Variants in INVS observed in about 807,000 individuals in gnomAD.
INVS encodes inversin, also known as inversion of embryo turning homolog.
In INVS, 86 loss-of-function variants were observed where a neutral mutation model predicts 108.8. The ratio of observed to expected loss-of-function variants is 0.79; its 90% confidence interval spans 0.66 to 0.95. The LOEUF (loss-of-function observed/expected upper bound fraction) is 0.95, where lower values mean the gene tolerates loss of function less well. Ranked by LOEUF, INVS falls within the 40% of genes least tolerant of loss-of-function variation. The pLI is 0.00. For missense variants in INVS, 1,169 were observed against 1,297.4 expected (o/e 0.90, Z 1.52); for synonymous variants, 455 against 473.5 (o/e 0.96, Z 0.51).
intron 3 of INVS, among the ~76,000 whole-genome samples, chr9:100,173,899 C>T (rs770848090): frequency 5.3e-5 from 8 of 152,196 alleles, no homozygotes; most frequent in South Asian, 2.1e-4. Context: ...AACTCATCAG[C>T]GATTTAGCTG....
chr9:100,167,234 A>T (rs1011032547), intron 3 of INVS, among the ~76,000 whole-genome samples: 5 of 152,162 alleles, frequency 3.3e-5, no homozygotes, highest in African/African-American at 1.2e-4. Context: ...TCAAAAAAAA[A>T]AAAAGATTTT....
intron 1 of INVS, among the ~76,000 whole-genome samples, chr9:100,100,587 A>AT (rs1488717447): frequency 2.0e-5 from 2 of 99,934 alleles, no homozygotes; most frequent in African/African-American, 4.2e-5. Flanking sequence ...TATAATATAT[A>AT]TAATATATGT....
At chr9:100,175,815 G>A (rs111232501) in intron 3 of INVS, 10 of 670,634 alleles carry the variant, frequency 1.5e-5, no homozygotes, top group African/African-American at 1.4e-4. Flanking sequence ...ACTCAGACCT[G>A]GTGCACCCAA....
intron 1 of INVS, among the ~76,000 whole-genome samples, chr9:100,100,640 A>T (rs1215331752): frequency 1.8e-5 from 1 of 54,846 alleles, no homozygotes; most frequent in Non-Finnish European, 2.9e-5. Context: ...TATATATATT[A>T]TATATGTATA....
At chr9:100,273,516 T>C (rs953407017) in intron 12 of INVS, among the ~76,000 whole-genome samples, 2 of 148,190 alleles carry the variant, frequency 1.3e-5, no homozygotes, top group Admixed American at 6.8e-5. Flanking sequence ...GGTTTTTTTT[T>C]CCACTCAGTT....
intron 10 of INVS, among the ~76,000 whole-genome samples, chr9:100,258,345 C>T (rs905975039): frequency 6.6e-6 from 1 of 152,102 alleles, no homozygotes; most frequent in African/African-American, 2.4e-5. Context: ...GCAATGGGTT[C>T]GAACATGCTC....
intron 2 of INVS, among the ~76,000 whole-genome samples, chr9:100,124,393 C>G (rs10988976): frequency 4.6e-5 from 7 of 151,866 alleles, no homozygotes; most frequent in Non-Finnish European, 1.0e-4. Flanking sequence ...GCAAGGTTAT[C>G]TTTGCTTTCA....
At chr9:100,295,108 A>G (rs1183010232) in intron 14 of INVS, among the ~76,000 whole-genome samples, 1 of 152,140 alleles carries the variant, frequency 6.6e-6, no homozygotes. Flanking sequence ...TCTGGCTAAA[A>G]TCTAGGATCT....
intron 3 of INVS, among the ~76,000 whole-genome samples, chr9:100,222,222 A>G (rs2118376329): frequency 6.6e-6 from 1 of 152,336 alleles, no homozygotes; most frequent in East Asian, 1.9e-4. Flanking sequence ...TTATAATAAT[A>G]AAAACATCTA....
intron 3 of INVS, among the ~76,000 whole-genome samples, chr9:100,160,204 G>A (rs1434638992): frequency 6.6e-6 from 1 of 152,160 alleles, no homozygotes; most frequent in African/African-American, 2.4e-5. Context: ...GATTCTTGTG[G>A]TGAGGAAGAC....
intron 3 of INVS, among the ~76,000 whole-genome samples, chr9:100,206,124 A>G (rs1377302836): frequency 1.3e-5 from 2 of 152,140 alleles, no homozygotes; most frequent in African/African-American, 2.4e-5. Flanking sequence ...GGTTTTCACA[A>G]CAAGAATACT....
chr9:100,126,851 G>A (rs754085378), intron 3 of INVS, among the ~76,000 whole-genome samples: 1 of 152,022 alleles, frequency 6.6e-6, no homozygotes, highest in Non-Finnish European at 1.5e-5. Context: ...TATGTATAGG[G>A]AAAAAATAAA....
chr9:100,240,973 CT>C (rs1831852195), intron 6 of INVS, among the ~76,000 whole-genome samples: 1 of 151,966 alleles, frequency 6.6e-6, no homozygotes, highest in Non-Finnish European at 1.5e-5. Flanking sequence ...TTATCAAAAA[CT>C]TTTTAAAGCC....
At chr9:100,232,444 TGGTATC>T (rs1467377066) in intron 5 of INVS, among the ~76,000 whole-genome samples, 3 of 152,218 alleles carry the variant, frequency 2.0e-5, no homozygotes, top group African/African-American at 7.2e-5. Flanking sequence ...ATGTCCTGAA[TGGTATC>T]GCCTAGGTTT....
chr9:100,264,854 T>C lies in INVS; in HGVS notation c.1497T>C (p.Asn499=), dbSNP rs766281041. 3.1e-6 allele frequency: 5 copies of C among 1,613,930 alleles called. No individual in the cohort carries two copies. Among genetic ancestry groups the C allele is most frequent in the Non-Finnish European group, 3.4e-6 (4 of 1,179,810 alleles). ...CAGCTTTGCATTGGTCCTGCAACAA[T>C]GGATACCTTGATGCCATTAAATTAC... ...GRTALHWSCN[N]GYLDAIKLLL... is the part of the protein sequence containing the mutation. Residue 499 remains asparagine, a synonymous_variant, in exon 11 of 17, where the codon AAT becomes AAC. Coordinates refer to ENST00000262457, the MANE Select transcript of INVS (RefSeq NM_014425.5).
At position 100,255,223 on chromosome 9, in the gene INVS, G is replaced by C. The variant is rs531021865; in HGVS notation, c.1464+2087G>C. Among the ~76,000 whole-genome samples the C allele has an allele frequency of 2.0e-5, 3 of 151,822 alleles. No homozygotes were observed. In the East Asian group the frequency reaches 5.8e-4, roughly 29 times the overall value. On this transcript the variant is annotated intron_variant, in intron 10 of 16. Coordinates refer to ENST00000262457, the MANE Select transcript of INVS (RefSeq NM_014425.5). The stretch of plus-strand genomic sequence containing the variant: ...TCATGATTTGGCTCTCTGTTTGTCT[G>C]TTGGCATATAGGAATGCTTGTGATT...
At chr9:100,287,989 AC>A (rs1833498059) in intron 13 of INVS, among the ~76,000 whole-genome samples, 1 of 151,752 alleles carries the variant, frequency 6.6e-6, no homozygotes, top group Admixed American at 6.6e-5. Context: ...CATTATCAAC[AC>A]CCCCCACACC....
chr9:100,301,343 C>T lies in INVS; in HGVS notation c.*669C>T, dbSNP rs547282431. Among the ~76,000 whole-genome samples the T allele has an allele frequency of 3.9e-5, 6 of 152,282 alleles. No homozygotes were observed. The highest frequency in any genetic ancestry group is 7.3e-5 in the Non-Finnish European group (5 of 68,034). ...TTAGCCTCTCAAGGCCACAAGTTGC[C>T]GCCACGTCTTCACTGAATGGCTTTC... On this transcript the variant is annotated 3_prime_UTR_variant, in exon 17 of 17. Coordinates refer to ENST00000262457, the MANE Select transcript of INVS (RefSeq NM_014425.5).
At chr9:100,153,761 A>G (rs1040323785) in intron 3 of INVS, among the ~76,000 whole-genome samples, 1 of 152,196 alleles carries the variant, frequency 6.6e-6, no homozygotes, top group Non-Finnish European at 1.5e-5. Context: ...CACAGTGGAA[A>G]GCAGAAGGAC....
Sources: gnomAD v4.1 joint callset for allele counts (sites outside exome capture counted in the v4.1 genomes callset) on GRCh38, gnomAD v4.1.1 for gene constraint, MANE v1.5 for transcripts, NCBI Gene and HGNC (gene_info 2026-07-23, HGNC 2026-07-21) for gene names.